Variants in GBF1 observed in about 807,000 individuals in gnomAD.
GBF1 encodes golgi brefeldin A resistant guanine nucleotide exchange factor 1.
A neutral mutation model predicts 210.5 loss-of-function variants in GBF1; 114 were observed. The observed-to-expected ratio is 0.54, with a 90% CI of 0.47 to 0.63. GBF1 has a LOEUF of 0.63. Among genes scored for constraint, GBF1 ranks in the 30% least tolerant of loss-of-function variants. The pLI, the probability that GBF1 is intolerant of heterozygous loss-of-function variation, is 0.00. For synonymous variants in GBF1, 850 were observed against 889.2 expected (o/e 0.96, Z 0.78); for missense variants, 1,851 against 2,357.7 (o/e 0.79, Z 4.45).
At chr10:102,313,558 A>G (rs1201424881) in intron 3 of GBF1, among the ~76,000 whole-genome samples, 4 of 152,214 alleles carry the variant, frequency 2.6e-5, no homozygotes. Flanking sequence ...ATTTGCAGGC[A>G]GAATGTAGAA....
At chr10:102,318,775 G>A (rs969485207) in intron 3 of GBF1, among the ~76,000 whole-genome samples, 1 of 151,838 alleles carries the variant, frequency 6.6e-6, no homozygotes, top group Non-Finnish European at 1.5e-5. Flanking sequence ...TTTTAAATAG[G>A]ATTTTTACAT....
chr10:102,365,200 G>A lies in GBF1; in HGVS notation c.2107-197G>A, dbSNP rs556562896. ...TCAGGAAAGGAGTAAAAAAGAGCTCGTAAGCCAATTCAATTAGACATGAAG... is the reference window on the plus strand; with the variant it reads ...TCAGGAAAGGAGTAAAAAAGAGCTCATAAGCCAATTCAATTAGACATGAAG... On this transcript the variant is annotated intron_variant, in intron 17 of 39. Coordinates refer to ENST00000369983, the MANE Select transcript of GBF1 (RefSeq NM_001377137.1). 5.9e-5 allele frequency among the ~76,000 whole-genome samples: 9 copies of A among 152,250 alleles called. No homozygotes were observed. In the South Asian group the frequency reaches 6.2e-4, roughly 11 times the overall value.
intron 13 of GBF1, 104 bp downstream of exon 13, chr10:102,361,224 A>G (rs1749645392): frequency 1.3e-6 from 1 of 747,746 alleles, no homozygotes; most frequent in Admixed American, 1.8e-5. Flanking sequence ...GGATTTAGGG[A>G]CTTCCTATAG....
chr10:102,236,601 T>C, the GBF1 span, among the ~76,000 whole-genome samples: 1 of 151,928 alleles, frequency 6.6e-6, no homozygotes, highest in Non-Finnish European at 1.5e-5. Context: ...CATATGAAGG[T>C]GGAGAGCAGA....
At chr10:102,351,815 C>T (rs1407131568) in intron 5 of GBF1, 28 bp from the exon 6 acceptor site, 7 of 1,286,064 alleles carry the variant, frequency 5.4e-6, no homozygotes, top group Non-Finnish European at 8.0e-6. Context: ...CCTTGTTTAT[C>T]ACAGTAATTC....
At chr10:102,364,822 C>G (rs2059821575) in intron 17 of GBF1, among the ~76,000 whole-genome samples, 2 of 151,920 alleles carry the variant, frequency 1.3e-5, no homozygotes, top group African/African-American at 4.8e-5. Flanking sequence ...GCACTCCAGC[C>G]TGGGCAACAG....
At chr10:102,369,146 A>T in intron 23 of GBF1, 65 bp from the exon 24 acceptor site, 1 of 1,170,438 alleles carries the variant, frequency 8.5e-7, no homozygotes, top group Non-Finnish European at 1.3e-6. Flanking sequence ...ATAGGCAGAG[A>T]CCTAAGAGAT....
At chr10:102,380,467 C>A in intron 37 of GBF1, 39 bp from the exon 38 acceptor site, 1 of 1,598,880 alleles carries the variant, frequency 6.3e-7, no homozygotes, top group Non-Finnish European at 8.6e-7. Flanking sequence ...TCCCCCCATG[C>A]CCTCTTTCCT....
chr10:102,249,756 A>T (rs1162593652), intron 1 of GBF1, among the ~76,000 whole-genome samples: 1 of 141,808 alleles, frequency 7.1e-6, no homozygotes, highest in Non-Finnish European at 1.5e-5. Context: ...CAGTGGTGTG[A>T]TCTTGGCTCA....
Position 102,368,315 on chromosome 10 carries a change from A to G in GBF1, c.2740A>G (p.Ile914Val), listed in dbSNP as rs202134437. Residue 914 changes from isoleucine to valine, a missense_variant, in exon 22 of 40, where the codon ATA (isoleucine) becomes GTA (valine). By Grantham distance (29) the Ile-to-Val change is conservative (BLOSUM62 3). Transcript: ENST00000369983. ...TCATCGAGGTGCCACCCCTGAGGGC[A>G]TATTCCTGCGTGTGCCTACTGCCAG... ...LLHRGATPEG[I>V]FLRVPTASYD... 1 of 1,614,014 alleles carries G rather than the reference A, an allele frequency of 6.2e-7. No homozygotes were observed. Among genetic ancestry groups the G allele is most frequent in the East Asian group, 2.2e-5 (1 of 44,890 alleles).
At chr10:102,300,976 CTTT>C (rs11413620) in intron 3 of GBF1, among the ~76,000 whole-genome samples, 1 of 136,266 alleles carries the variant, frequency 7.3e-6, no homozygotes, top group African/African-American at 2.7e-5. Flanking sequence ...ATTTTCTTTT[CTTT>C]TTTTTTTTTT....
chr10:102,338,041 G>A (rs1366380166), intron 3 of GBF1, among the ~76,000 whole-genome samples: 1 of 152,022 alleles, frequency 6.6e-6, no homozygotes, highest in African/African-American at 2.4e-5. Flanking sequence ...TTTAAGGAAA[G>A]TTAACTTTAT....
At chr10:102,322,139 C>T (rs896817386) in intron 3 of GBF1, among the ~76,000 whole-genome samples, 1 of 152,346 alleles carries the variant, frequency 6.6e-6, no homozygotes. Flanking sequence ...GGATTACAGG[C>T]GCAAGCCAAG....
At chr10:102,329,748 C>T (rs2057193146) in intron 3 of GBF1, among the ~76,000 whole-genome samples, 2 of 152,082 alleles carry the variant, frequency 1.3e-5, no homozygotes, top group Non-Finnish European at 2.9e-5. Context: ...CAGGTGTGAG[C>T]CACCAAGCCC....
At chr10:102,308,167 T>C (rs2078080398) in intron 3 of GBF1, among the ~76,000 whole-genome samples, 1 of 136,710 alleles carries the variant, frequency 7.3e-6, no homozygotes, top group African/African-American at 2.7e-5. Context: ...AAGATGTTTA[T>C]GAGAATGTTT....
chr10:102,266,008 C>T lies in GBF1; in HGVS notation c.163+5892C>T, dbSNP rs1344441449. Among the ~76,000 whole-genome samples the T allele has an allele frequency of 3.9e-5, 6 of 152,044 alleles. No individual in the cohort carries two copies. The East Asian group carries it at 7.7e-4, about 20-fold the overall frequency. On this transcript the variant is annotated intron_variant, in intron 3 of 39. Coordinates refer to ENST00000369983, the MANE Select transcript of GBF1 (RefSeq NM_001377137.1). Reference sequence around the variant, plus strand: ...ATCCCAGCACTTTGGGAGGCCGAGGCGGGCAGATCACGAGGTCAGGAGATT... The same window carrying T: ...ATCCCAGCACTTTGGGAGGCCGAGGTGGGCAGATCACGAGGTCAGGAGATT...
intron 1 of GBF1, among the ~76,000 whole-genome samples, chr10:102,249,168 A>G (rs958464341): frequency 2.0e-5 from 3 of 152,206 alleles, no homozygotes; most frequent in Admixed American, 6.6e-5. Context: ...ATGACCCTCA[A>G]TAAACAAAAT....
chr10:102,379,758 C>G, intron 35 of GBF1, 95 bp from the exon 36 acceptor site: 4 of 1,473,184 alleles, frequency 2.7e-6, no homozygotes, highest in Middle Eastern at 1.7e-4. Flanking sequence ...TCATACCTTC[C>G]CTTCAGCTCT....
At chr10:102,312,748 GCTC>G (rs1261059128) in intron 3 of GBF1, among the ~76,000 whole-genome samples, 1 of 152,194 alleles carries the variant, frequency 6.6e-6, no homozygotes, top group African/African-American at 2.4e-5. Context: ...ATGAGACACT[GCTC>G]CTGGTGTTTG....
Sources: gnomAD v4.1 joint callset for allele counts (sites outside exome capture counted in the v4.1 genomes callset) on GRCh38, gnomAD v4.1.1 for gene constraint, MANE v1.5 for transcripts, NCBI Gene and HGNC (gene_info 2026-07-23, HGNC 2026-07-21) for gene names.